Variants in CNTN1 observed in about 807,000 individuals in gnomAD.
The protein encoded by CNTN1 is contactin 1.
Under a neutral mutation model 126.4 loss-of-function variants are expected in CNTN1, and 38 were observed. The ratio of observed to expected loss-of-function variants is 0.30; its 90% CI spans 0.23 to 0.39. The LOEUF (loss-of-function observed/expected upper bound fraction) is 0.39, where lower values mean the gene tolerates loss of function less well. CNTN1 is among the 10% of genes least tolerant of loss of function. CNTN1 has a pLI of 1.00. For missense variants in CNTN1, 1,009 were observed against 1,248.4 expected, an observed-to-expected ratio of 0.81 and a Z score of 2.89; for synonymous variants, 413 against 422.6, an observed-to-expected ratio of 0.98 and a Z score of 0.28.
At chr12:41,022,333 T>C (rs1948935137) in intron 20 of CNTN1, among the ~76,000 whole-genome samples, 1 of 152,224 alleles carries the variant, frequency 6.6e-6, no homozygotes, top group South Asian at 2.1e-4. Flanking sequence ...CATGAGGAGT[T>C]GGTTTCACAG....
At chr12:40,802,474 A>G (rs900672983) in intron 1 of CNTN1, among the ~76,000 whole-genome samples, 1 of 152,038 alleles carries the variant, frequency 6.6e-6, no homozygotes, top group African/African-American at 2.4e-5. Context: ...GATACCAGCC[A>G]TTTAGTCCAT....
rs1942489735 is a variant in CNTN1, at chr12:40,846,110, A to T, written c.-76-62247A>T. Among the ~76,000 whole-genome samples the T allele has an allele frequency of 2.0e-5, 3 of 152,162 alleles. No individual in the cohort carries two copies. In the South Asian group the frequency reaches 6.2e-4, roughly 31 times the overall value. On this transcript the variant is annotated intron_variant, in intron 1 of 23. Coordinates refer to ENST00000551295, the MANE Select transcript of CNTN1 (RefSeq NM_001843.4). ...CTGCGGAGGAAGTTAGAAAAACAGT[A>T]AACTCATACAGATAATTGATACAAA...
intron 16 of CNTN1, among the ~76,000 whole-genome samples, chr12:40,984,533 C>T (rs535937669): frequency 9.9e-5 from 15 of 152,182 alleles, no homozygotes; most frequent in Admixed American, 4.6e-4. Context: ...CTAGGCTCTT[C>T]GTAACAATCA....
intron 15 of CNTN1, chr12:40,972,215 C>G: frequency 1.0e-6 from 1 of 985,302 alleles, no homozygotes; most frequent in Non-Finnish European, 1.2e-6. Flanking sequence ...ATTTTATTGA[C>G]TCCTGCCATC....
chr12:40,889,870 G>T lies in CNTN1; in HGVS notation c.-76-18487G>T, dbSNP rs142673167. Among the ~76,000 whole-genome samples the T allele has an allele frequency of 1.5e-3, 221 of 152,180 alleles. 3 individuals carry two copies. The highest frequency in any genetic ancestry group is 5.2e-3 in the African/African-American group (215 of 41,534). On this transcript the variant is annotated intron_variant, in intron 1 of 23. Transcript: ENST00000551295. ...TTGACTTCTCTAAACCTCATTTCTC[G>T]ATGTGTTAGTTGGAGTCAATAATAG...
chr12:40,893,380 TAA>T (rs747121914), intron 1 of CNTN1, among the ~76,000 whole-genome samples: 9 of 152,166 alleles, frequency 5.9e-5, no homozygotes, highest in Non-Finnish European at 1.0e-4. Context: ...TTAACAAAAA[TAA>T]AAGAGGACAA....
intron 1 of CNTN1, among the ~76,000 whole-genome samples, chr12:40,700,217 A>T (rs553827691): frequency 1.3e-5 from 2 of 151,922 alleles, no homozygotes; most frequent in African/African-American, 2.4e-5. Flanking sequence ...CTTTTTTTTT[A>T]AAACTTGAAT....
chr12:41,068,930 G>A (rs1439733028), intron 23 of CNTN1, among the ~76,000 whole-genome samples: 1 of 152,164 alleles, frequency 6.6e-6, no homozygotes, highest in Non-Finnish European at 1.5e-5. Context: ...GTTTGAGGCT[G>A]CAGTCAGCTA....
intron 1 of CNTN1, among the ~76,000 whole-genome samples, chr12:40,788,821 C>A (rs934798627): frequency 6.6e-6 from 1 of 152,036 alleles, no homozygotes; most frequent in East Asian, 1.9e-4. Context: ...TTATGTTCTG[C>A]CTCATCACAT....
At chr12:40,996,554 A>G (rs1483848573) in intron 17 of CNTN1, among the ~76,000 whole-genome samples, 1 of 152,190 alleles carries the variant, frequency 6.6e-6, no homozygotes, top group Non-Finnish European at 1.5e-5. Flanking sequence ...AATAAAATTT[A>G]TTTATTATGC....
chr12:40,983,039 A>G (rs892650089), intron 16 of CNTN1, among the ~76,000 whole-genome samples: 4 of 152,090 alleles, frequency 2.6e-5, no homozygotes, highest in Admixed American at 1.3e-4. Flanking sequence ...ATGTATACAT[A>G]TGTAACAAAC....
In CNTN1 at chr12:40,981,009, TA is replaced by T; in HGVS notation, c.1908del (p.Lys636AsnfsTer36). The T allele has an allele frequency of 1.2e-6, 2 of 1,613,650 alleles. No individual in the cohort carries two copies. Among genetic ancestry groups the T allele is most frequent in the Non-Finnish European group, 1.7e-6 (2 of 1,179,704 alleles). The part of the protein sequence containing the change: ...RGSDNHSPIS[K>X]YTIQTKTILS... The stretch of plus-strand genomic sequence containing the variant: ...GTTCAGACAATCATAGTCCTATTTC[TA>T]AATACACTATCCAGACCAAGACTAT... On this transcript the variant is annotated frameshift_variant, in exon 16 of 24. Transcript: ENST00000551295. LOFTEE classifies it high-confidence loss of function.
chr12:40,756,794 A>T (rs1459792870), intron 1 of CNTN1, among the ~76,000 whole-genome samples: 1 of 152,118 alleles, frequency 6.6e-6, no homozygotes, highest in Admixed American at 6.6e-5. Context: ...TGCTTGCTTT[A>T]TATTTTAACA....
At chr12:41,067,133 C>G (rs1265403962) in intron 23 of CNTN1, among the ~76,000 whole-genome samples, 1 of 152,106 alleles carries the variant, frequency 6.6e-6, no homozygotes, top group Non-Finnish European at 1.5e-5. Flanking sequence ...TCAATTCGGT[C>G]TCTAATTTCT....
At chr12:40,832,578 C>T (rs1030031252) in intron 1 of CNTN1, among the ~76,000 whole-genome samples, 59 of 152,130 alleles carry the variant, frequency 3.9e-4, no homozygotes, top group African/African-American at 1.4e-3. Flanking sequence ...TCAAAATCAC[C>T]TAACTGCTCA....
At chr12:40,770,200 G>A (rs930705554) in intron 1 of CNTN1, among the ~76,000 whole-genome samples, 6 of 152,114 alleles carry the variant, frequency 3.9e-5, no homozygotes, top group Admixed American at 1.3e-4. Flanking sequence ...TACCTGGAAA[G>A]AGGGGGTTCC....
At chr12:40,864,448 A>G (rs534726854) in intron 1 of CNTN1, among the ~76,000 whole-genome samples, 2 of 152,216 alleles carry the variant, frequency 1.3e-5, no homozygotes, top group African/African-American at 4.8e-5. Context: ...GAACATTTTT[A>G]TTCCTTAAAA....
intron 1 of CNTN1, chr12:40,763,258 C>A (rs1045330308): frequency 6.6e-6 from 1 of 152,142 alleles, no homozygotes; most frequent in African/African-American, 2.4e-5. Flanking sequence ...AATTACCCAG[C>A]CACCTTTATG....
intron 6 of CNTN1, among the ~76,000 whole-genome samples, chr12:40,926,578 C>T (rs985878243): frequency 4.6e-5 from 7 of 151,890 alleles, no homozygotes; most frequent in Admixed American, 4.6e-4. Flanking sequence ...CATGACATGA[C>T]TTAAGTTATA....
Sources: allele counts gnomAD v4.1 joint callset (sites outside exome capture counted in the v4.1 genomes callset), GRCh38; gene constraint gnomAD v4.1.1; transcripts MANE v1.5; gene names NCBI Gene and HGNC (gene_info 2026-07-23, HGNC 2026-07-21).